The following MED7 variants were observed in gnomAD, a reference collection of about 807,000 sequenced individuals.
MED7 encodes mediator of RNA polymerase II transcription subunit 7.
In MED7, 7 loss-of-function variants were observed where a neutral mutation model predicts 16.6. That is an observed-to-expected ratio of 0.42 (90% CI 0.24 to 0.79). The LOEUF is 0.79. Among genes scored for constraint, MED7 ranks in the 30% least tolerant of loss-of-function variants. MED7 has a pLI of 0.27. For missense variants in MED7, 240 were observed against 286.3 expected (o/e 0.84, Z 1.17); for synonymous variants, 88 against 90.5 (o/e 0.97, Z 0.16).
Position 157,138,857 on chromosome 5 carries a change from T to C in MED7, c.575A>G (p.Asp192Gly). The change falls in exon 2 of 2, where the codon GAT (aspartate) becomes GGT (glycine). Residue 192 changes from aspartate to glycine, a missense_variant. Physicochemically the swap from Asp to Gly is moderately conservative, Grantham distance 94. Coordinates refer to ENST00000286317, the MANE Select transcript of MED7 (RefSeq NM_004270.5). ...MRVKTEPMDA[D>G]DSNNCTGQNE... ...CTGTCCAGTACAATTGTTGCTATCATCAGCATCCATTGGTTCAGTTTTTAC... is the reference window on the plus strand; with the variant it reads ...CTGTCCAGTACAATTGTTGCTATCACCAGCATCCATTGGTTCAGTTTTTAC... The C allele has an allele frequency of 1.9e-6, 3 of 1,614,188 alleles. No individual in the cohort carries two copies. The highest frequency in any genetic ancestry group is 2.5e-6 in the Non-Finnish European group (3 of 1,180,030).
chr5:157,140,487 T>C (rs1019071916), intron 1 of MED7, among the ~76,000 whole-genome samples: 1 of 151,342 alleles, frequency 6.6e-6, no homozygotes, highest in African/African-American at 2.5e-5. Flanking sequence ...AGTTTCAAGA[T>C]ATAACACACT....
At position 157,138,937 on chromosome 5, in the gene MED7, C is replaced by T; in HGVS notation, c.495G>A (p.Gln165=). 1 of 1,614,176 alleles carries T rather than the reference C, an allele frequency of 6.2e-7. No individual in the cohort carries two copies. ...CATCAGGCAAAGAAGCCAAGCAATTCTGAATCATTTCAATTACTCGTTCCA... is the reference window on the plus strand; with the variant it reads ...CATCAGGCAAAGAAGCCAAGCAATTTTGAATCATTTCAATTACTCGTTCCA... The part of the protein sequence containing the change: ...KHLERVIEMI[Q]NCLASLPDDL... The change falls in exon 2 of 2, where the codon CAG becomes CAA. Residue 165 remains glutamine, a synonymous_variant. Coordinates refer to ENST00000286317, the MANE Select transcript of MED7 (RefSeq NM_004270.5).
rs148324701 is a variant in MED7, at chr5:157,138,824, T to C, written c.608A>G (p.His203Arg). 2.2e-5 allele frequency: 36 copies of C among 1,614,188 alleles called. No homozygotes were observed. The African/African-American group carries it at 2.4e-4, about 11-fold the overall frequency. Residue 203 changes from histidine to arginine, a missense_variant, in exon 2 of 2, where the codon CAT (histidine) becomes CGT (arginine). His to Arg is a conservative substitution (Grantham distance 29). Coordinates refer to ENST00000286317, the MANE Select transcript of MED7 (RefSeq NM_004270.5). ...DSNNCTGQNE[H>R]QRENSGHRRD... ...CCTATGACCTGAATTTTCTCTTTGA[T>C]GTTCATTCTGTCCAGTACAATTGTT...
rs1757667029 is a variant in MED7 at position 157,138,285 on chromosome 5, C to T, written c.*445G>A. 1.3e-5 allele frequency: 2 copies of T among 153,998 alleles called. No individual in the cohort carries two copies. Among genetic ancestry groups the T allele is most frequent in the Admixed American group, 1.3e-4 (2 of 15,400 alleles). The allele number at this position is 153,998 out of a possible 1,614,324, so 9.5% of individuals were successfully genotyped here. A position where few individuals can be genotyped will look rare whatever the true frequency, so the allele number is the denominator to read the frequency against. On this transcript the variant is annotated 3_prime_UTR_variant, in exon 2 of 2. Coordinates refer to ENST00000286317, the MANE Select transcript of MED7 (RefSeq NM_004270.5). ...ACTCTACTGGGCTCCTCTCTATCAA[C>T]ATGTTATGCTACTTTTTGGAGCTTA... is the stretch of plus-strand genomic sequence containing the variant.
At chr5:157,142,698 G>C (rs1757746084) in intron 1 of MED7, 122 bp downstream of exon 1, 1 of 152,426 alleles carries the variant, frequency 6.6e-6, no homozygotes, top group Non-Finnish European at 1.5e-5. Context: ...ACGAAAGACC[G>C]CCTTTGGAGG....
At chr5:157,139,609 T>C (rs1323085593) in intron 1 of MED7, among the ~76,000 whole-genome samples, 161 bp from the exon 2 acceptor site, 1 of 152,180 alleles carries the variant, frequency 6.6e-6, no homozygotes, top group African/African-American at 2.4e-5. Context: ...AGGGAAAGTC[T>C]GCCATCTTTT....
intron 1 of MED7, among the ~76,000 whole-genome samples, chr5:157,139,827 G>A (rs1299467557): frequency 6.6e-6 from 1 of 151,536 alleles, no homozygotes; most frequent in African/African-American, 2.4e-5. Context: ...AATCACTTTT[G>A]TTTTATGTTA....
intron 1 of MED7, among the ~76,000 whole-genome samples, chr5:157,141,162 G>C (rs760570914): frequency 6.6e-6 from 1 of 151,838 alleles, no homozygotes; most frequent in Non-Finnish European, 1.5e-5. Context: ...CTCACTGCAA[G>C]CTCGGACTCC....
chr5:157,141,749 C>A (rs1308662669), intron 1 of MED7, among the ~76,000 whole-genome samples: 2 of 151,910 alleles, frequency 1.3e-5, no homozygotes, highest in Non-Finnish European at 2.9e-5. Context: ...ACCACCACGC[C>A]CAGCTAATTT....
In MED7 at chr5:157,138,528, T is replaced by G. The variant is rs1332101723; in HGVS notation, c.*202A>C. ...CTAACACTTTGCTTTTTAAAGTGATTCTTCTTAGTGCAGGGACACTCATTT... is the reference window on the plus strand; with the variant it reads ...CTAACACTTTGCTTTTTAAAGTGATGCTTCTTAGTGCAGGGACACTCATTT... On this transcript the variant is annotated 3_prime_UTR_variant, in exon 2 of 2. Coordinates refer to ENST00000286317, the MANE Select transcript of MED7 (RefSeq NM_004270.5). 2.1e-6 allele frequency: 1 copy of G among 476,786 alleles called. No homozygotes were observed. The highest frequency in any genetic ancestry group is 3.8e-5 in the Admixed American group (1 of 26,190). The allele number at this position is 476,786 out of a possible 1,614,324, so 29.5% of individuals were successfully genotyped here. A position where few individuals can be genotyped will look rare whatever the true frequency, so the allele number is the denominator to read the frequency against.
rs1417014449 is a variant in MED7, at chr5:157,137,570, A to C, written c.*1160T>G. 1 of 152,354 alleles carries C rather than the reference A, an allele frequency of 6.6e-6. No individual in the cohort carries two copies. Among genetic ancestry groups the C allele is most frequent in the African/African-American group, 2.4e-5 (1 of 41,468 alleles). 9.4% of individuals were successfully genotyped at this position (152,354 alleles called of 1,614,324 possible). On this transcript the variant is annotated 3_prime_UTR_variant, in exon 2 of 2. Transcript: ENST00000286317. ...AAACGGCAGGCAGAGATCCTCAGAC[A>C]CAAGGTCAACTCTCCACTAACACCT...
chr5:157,139,466 A>G lies in MED7; in HGVS notation c.-17-18T>C, dbSNP rs1323641761. Reference sequence around the variant, plus strand: ...TCAAGAACCTATGGACACAGACCAAAGATTTATTAGAGCCACAAGACAAAC... The same window carrying G: ...TCAAGAACCTATGGACACAGACCAAGGATTTATTAGAGCCACAAGACAAAC... On this transcript the variant is annotated intron_variant, in intron 1 of 1. Transcript: ENST00000286317. 1 of 1,378,660 alleles carries G rather than the reference A, an allele frequency of 7.3e-7. No individual in the cohort carries two copies. 85.4% of individuals were successfully genotyped at this position (1,378,660 alleles called of 1,614,324 possible). A position where few individuals can be genotyped will look rare whatever the true frequency, so the allele number is the denominator to read the frequency against.
At chr5:157,140,552 G>A (rs1414045853) in intron 1 of MED7, among the ~76,000 whole-genome samples, 1 of 152,122 alleles carries the variant, frequency 6.6e-6, no homozygotes, top group Non-Finnish European at 1.5e-5. Flanking sequence ...CTTAGAATTC[G>A]TGAGGTACTG....
At chr5:157,139,853 T>C (rs990016866) in intron 1 of MED7, among the ~76,000 whole-genome samples, 1 of 152,102 alleles carries the variant, frequency 6.6e-6, no homozygotes, top group Non-Finnish European at 1.5e-5. Flanking sequence ...TTATTTCCAA[T>C]AGCAAACACT....
chr5:157,139,277 T>C lies in MED7; in HGVS notation c.155A>G (p.Asp52Gly), dbSNP rs1757688608. ...YMMFGNQFQC[D>G]DLIIRPLESQ... ...TTCCAAAGGGCGGATGATAAGATCA[T>C]CACATTGGAACTGATTGCCAAACAT... Residue 52 changes from aspartate (D) to glycine (G), a missense_variant, in exon 2 of 2, where the codon GAT becomes GGT. Physicochemically the swap from Asp to Gly is moderately conservative, Grantham distance 94 (BLOSUM62 -1). Transcript: ENST00000286317. 1.2e-6 allele frequency: 2 copies of C among 1,614,196 alleles called. No individual in the cohort carries two copies. Among genetic ancestry groups the C allele is most frequent in the Non-Finnish European group, 1.7e-6 (2 of 1,180,042 alleles).
intron 1 of MED7, among the ~76,000 whole-genome samples, chr5:157,140,083 T>C (rs1757701214): frequency 6.6e-6 from 1 of 152,144 alleles, no homozygotes; most frequent in Admixed American, 6.5e-5. Context: ...ATCTCAGATC[T>C]CAGCTCACTG....
At chr5:157,139,661 TTCTC>T (rs68151017) in intron 1 of MED7, among the ~76,000 whole-genome samples, 5,607 of 151,100 alleles carry the variant, frequency 0.037, 250 homozygotes, top group African/African-American at 0.11. Context: ...ATATTTTCCA[TTCTC>T]TCTCTAATAA....
intron 1 of MED7, among the ~76,000 whole-genome samples, chr5:157,141,459 C>T (rs1277364515): frequency 6.6e-6 from 1 of 152,216 alleles, no homozygotes; most frequent in African/African-American, 2.4e-5. Context: ...TACTTTCCTA[C>T]ACGATGTGCA....
At chr5:157,140,066 TG>T (rs2113711939) in intron 1 of MED7, among the ~76,000 whole-genome samples, 1 of 152,330 alleles carries the variant, frequency 6.6e-6, no homozygotes, top group South Asian at 2.1e-4. Context: ...TAGAGTGCAG[TG>T]GTGCAATCTC....
Sources: allele counts gnomAD v4.1 joint callset (sites outside exome capture counted in the v4.1 genomes callset), GRCh38; gene constraint gnomAD v4.1.1; transcripts MANE v1.5; gene names NCBI Gene and HGNC (gene_info 2026-07-23, HGNC 2026-07-21).